Variants in CLU observed in about 807,000 individuals in gnomAD.
CLU encodes the protein clusterin.
CLU carries 25 observed loss-of-function variants against 46.4 expected under a neutral mutation model. The observed-to-expected ratio is 0.54, with a 90% confidence interval of 0.39 to 0.75. CLU has a LOEUF of 0.75. CLU is among the 30% of genes least tolerant of loss of function. The pLI is 0.00. For missense variants in CLU, 504 were observed against 592.1 expected (o/e 0.85, Z 1.54); for synonymous variants, 235 against 235.1 (o/e 1.00, Z 0.00).
rs764298425 is a variant in CLU, at chr8:27,614,685, C to T, written c.-60G>A. 2 of 533,184 alleles carry T rather than the reference C, an allele frequency of 3.8e-6. No homozygotes were observed. The highest frequency in any genetic ancestry group is 2.8e-5 in the South Asian group (2 of 71,510). The allele number at this position is 533,184 out of a possible 1,614,324, so 33.0% of individuals were successfully genotyped here. On this transcript the variant is annotated 5_prime_UTR_variant, in exon 1 of 9. Transcript: ENST00000316403. ...AGCGGCACCCTGTGCCCGCGCGCTC[C>T]TCCTGGCGACGCCGCGTTGTGGGCA...
chr8:27,605,483 C>T (rs925717661), intron 4 of CLU, 148 bp from the exon 5 acceptor site: 4 of 770,140 alleles, frequency 5.2e-6, no homozygotes, highest in Non-Finnish European at 8.9e-6. Flanking sequence ...GGGACCAGCC[C>T]CCAGCACCCC....
rs9331941 is a variant in CLU at position 27,598,070 on chromosome 8, G to T, written c.*171C>A. 326 of 716,024 alleles carry T rather than the reference G, an allele frequency of 4.6e-4. 3 individuals carry two copies. The African/African-American group carries it at 5.2e-3, about 11-fold the overall frequency. The allele number at this position is 716,024 out of a possible 1,614,324, so 44.4% of individuals were successfully genotyped here. ...TGTTCTTCCCATGAGCAGCAGAGTC[G>T]AGTGTTAGAGTGCAGGATCCAGAGC... On this transcript the variant is annotated 3_prime_UTR_variant, in exon 9 of 9. Coordinates refer to ENST00000316403, the MANE Select transcript of CLU (RefSeq NM_001831.4).
chr8:27,600,051 G>T, intron 6 of CLU, 42 bp from the exon 7 acceptor site: 1 of 1,479,510 alleles, frequency 6.8e-7, no homozygotes, highest in Non-Finnish European at 9.4e-7. Context: ...AGTGTGAAGG[G>T]AAGGCTACAA....
At chr8:27,614,579 C>T (rs544466837) in intron 1 of CLU, 76 bp downstream of exon 1, 1 of 447,552 alleles carries the variant, frequency 2.2e-6, no homozygotes, top group South Asian at 1.7e-5. Context: ...CCCTCTCTGC[C>T]TGGCTGCCAT....
intron 6 of CLU, among the ~76,000 whole-genome samples, chr8:27,602,932 G>A (rs1188999103): frequency 6.6e-6 from 1 of 151,928 alleles, no homozygotes; most frequent in African/African-American, 2.4e-5. Flanking sequence ...GGGTGTGGTG[G>A]TGCACACCTG....
chr8:27,606,466 C>A lies in CLU; in HGVS notation c.305G>T (p.Cys102Phe), dbSNP rs566482326. The change falls in exon 4 of 9, where the codon TGC (cysteine) becomes TTC (phenylalanine). Residue 102 changes from cysteine (C) to phenylalanine (F), a missense_variant. By Grantham distance (205) the Cys-to-Phe change is radical (BLOSUM62 -2). Around this residue, in one of 3 missense-constraint regions of CLU, gnomAD observed 428 missense variants for 484.0 expected, o/e 0.88. Coordinates refer to ENST00000316403, the MANE Select transcript of CLU (RefSeq NM_001831.4). The stretch of plus-strand genomic sequence containing the variant: ...CCAGAGGGCCATCATGGTCTCATTG[C>A]ACACTCCTGGGAGCTCCTTCAGCTT... ...ETKLKELPGV[C>F]NETMMALWEE... 1 of 1,614,252 alleles carries A rather than the reference C, an allele frequency of 6.2e-7. No individual in the cohort carries two copies. The highest frequency in any genetic ancestry group is 1.1e-5 in the South Asian group (1 of 91,088).
At chr8:27,606,130 G>A (rs571394834) in intron 4 of CLU, among the ~76,000 whole-genome samples, 1 of 152,280 alleles carries the variant, frequency 6.6e-6, no homozygotes, top group East Asian at 1.9e-4. Flanking sequence ...ATCCAGCTAA[G>A]CACTGCTGCA....
Position 27,597,393 on chromosome 8 carries a change from G to A in CLU, c.*848C>T, listed in dbSNP as rs769518823. On this transcript the variant is annotated 3_prime_UTR_variant, in exon 9 of 9. Coordinates refer to ENST00000316403, the MANE Select transcript of CLU (RefSeq NM_001831.4). ...GACTAAAAGCCGAGAAACGCCTGTG[G>A]TCCAGGGAAAGGTATGAAGATCATA... The A allele has an allele frequency of 2.6e-5, 12 of 454,404 alleles. No homozygotes were observed. The highest frequency in any genetic ancestry group is 1.6e-4 in the South Asian group (10 of 64,476). 28.1% of individuals were successfully genotyped at this position (454,404 alleles called of 1,614,324 possible).
chr8:27,604,105 TTC>T, intron 6 of CLU, 184 bp downstream of exon 6: 1 of 622,164 alleles, frequency 1.6e-6, no homozygotes, highest in Non-Finnish European at 2.9e-6. Context: ...CATCATCTCA[TTC>T]TAAGATGAGG....
At chr8:27,602,600 C>CAA (rs780867922) in intron 6 of CLU, among the ~76,000 whole-genome samples, 6 of 103,838 alleles carry the variant, frequency 5.8e-5, no homozygotes, top group African/African-American at 9.1e-5. Context: ...GACCCTGTCT[C>CAA]AAAAAAAAAA....
rs77514538 is a variant in CLU, at chr8:27,599,377, G to A, written c.1164+403C>T. On this transcript the variant is annotated intron_variant, in intron 7 of 8. Transcript: ENST00000316403. This position sits in a 1 kb window ranked among gnomAD's most constrained non-coding sequence, Gnocchi z 4.0. ...GAGAAGTTTTTATCACTGGCAGAGA[G>A]TGATGTACTAATTCATAAGCCATTT... 6.9e-3 allele frequency: 1,662 copies of A among 242,346 alleles called. 32 individuals are homozygous for A. Among genetic ancestry groups the A allele is most frequent in the African/African-American group, 0.036 (1,586 of 44,210 alleles). The allele number at this position is 242,346 out of a possible 1,614,324, so 15.0% of individuals were successfully genotyped here. A position where few individuals can be genotyped will look rare whatever the true frequency, so the allele number is the denominator to read the frequency against.
chr8:27,610,383 G>T, intron 2 of CLU, 92 bp downstream of exon 2: 1 of 1,027,006 alleles, frequency 9.7e-7, no homozygotes, highest in Non-Finnish European at 1.5e-6. Context: ...TAACACTGGG[G>T]CCTGATAGAG....
chr8:27,608,964 G>C lies in CLU; in HGVS notation c.220C>G (p.Leu74Val), dbSNP rs956433124. ...NEERKTLLSN[L>V]EEAKKKKEDA... ...TCTTTCTTCTTCTTGGCTTCTTCTA[G>C]GTTGCTGAGCAGTGTCTTGCGCTCT... is the stretch of plus-strand genomic sequence containing the variant. The change falls in exon 3 of 9, where the codon CTA becomes GTA. Residue 74 changes from leucine to valine, a missense_variant. By Grantham distance (32) the Leu-to-Val change is conservative. Transcript: ENST00000316403. 3 of 1,614,218 alleles carry C rather than the reference G, an allele frequency of 1.9e-6. No individual in the cohort carries two copies. The highest frequency in any genetic ancestry group is 2.5e-6 in the Non-Finnish European group (3 of 1,180,038).
At chr8:27,601,430 T>C (rs1046824823) in intron 6 of CLU, among the ~76,000 whole-genome samples, 5 of 152,240 alleles carry the variant, frequency 3.3e-5, no homozygotes, top group Non-Finnish European at 7.3e-5. Flanking sequence ...TGGCACCTGG[T>C]GGCCAGGGGT....
At position 27,608,932 on chromosome 8, in the gene CLU, C is replaced by T. The variant is rs745520561; in HGVS notation, c.246+6G>A. 9 of 1,614,216 alleles carry T rather than the reference C, an allele frequency of 5.6e-6. No individual in the cohort carries two copies. The highest frequency in any genetic ancestry group is 7.6e-6 in the Non-Finnish European group (9 of 1,180,046). ...AGGCAGGGAGGCGGTAGCGGCTCCT[C>T]CTGACCTCTTTCTTCTTCTTGGCTT... On this transcript the variant is annotated splice_donor_region_variant and intron_variant, in intron 3 of 8. Transcript: ENST00000316403.
intron 3 of CLU, chr8:27,608,704 G>A (rs770127591): frequency 5.0e-6 from 3 of 603,748 alleles, no homozygotes; most frequent in South Asian, 3.9e-5. Context: ...ATGAATCTGG[G>A]CATTAGGCCC....
chr8:27,611,054 C>G (rs1800917943), intron 1 of CLU: 5 of 391,508 alleles, frequency 1.3e-5, no homozygotes, highest in South Asian at 7.5e-5. Context: ...AGAGACCAGC[C>G]ACGTCCTCTG....
At chr8:27,598,737 C>T in intron 7 of CLU, 102 bp from the exon 8 acceptor site, 1 of 1,102,238 alleles carries the variant, frequency 9.1e-7, no homozygotes. Flanking sequence ...CCTCCTGCTT[C>T]TCCAAGGAAA....
intron 6 of CLU, among the ~76,000 whole-genome samples, chr8:27,602,446 T>C (rs565634654): frequency 4.6e-5 from 7 of 151,648 alleles, no homozygotes; most frequent in Non-Finnish European, 8.8e-5. Flanking sequence ...CTACTAAAAA[T>C]AAAAAAATTA....
Sources: gnomAD v4.1 joint callset for allele counts (sites outside exome capture counted in the v4.1 genomes callset) on GRCh38, gnomAD v4.1.1 for gene constraint, gnomAD v4.1.1 regional missense constraint, Gnocchi (gnomAD v3.1) non-coding constraint, MANE v1.5 for transcripts, NCBI Gene and HGNC (gene_info 2026-07-23, HGNC 2026-07-21) for gene names.